The following ZMYND8 variants were observed in gnomAD, a reference collection of about 807,000 sequenced individuals.
ZMYND8 encodes zinc finger MYND-type containing 8, also known as MYND-type zinc finger-containing chromatin reader ZMYND8.
A neutral mutation model predicts 140.8 loss-of-function variants in ZMYND8; 37 were observed. That is an observed-to-expected ratio of 0.26 (90% CI 0.20 to 0.35). The LOEUF (loss-of-function observed/expected upper bound fraction) is 0.35. ZMYND8 is among the 10% of genes least tolerant of loss of function. ZMYND8 has a pLI of 1.00. For synonymous variants in ZMYND8, 592 were observed against 597.1 expected, an observed-to-expected ratio of 0.99 and a Z score of 0.12; for missense variants, 1,068 against 1,570.0, an observed-to-expected ratio of 0.68 and a Z score of 5.40.
intron 2 of ZMYND8, 130 bp downstream of exon 2, chr20:47,347,726 A>G (rs796281891): frequency 5.5e-5 from 49 of 887,276 alleles, no homozygotes; most frequent in Non-Finnish European, 8.2e-5. Context: ...AAAAAATCTT[A>G]TATCTGAAAA....
At chr20:47,239,389 CAA>C (rs545772566) in intron 14 of ZMYND8, among the ~76,000 whole-genome samples, 96 of 152,346 alleles carry the variant, frequency 6.3e-4, no homozygotes, top group African/African-American at 2.2e-3. Flanking sequence ...AGATACAAGT[CAA>C]GACCTCTAGG....
chr20:47,316,840 T>C (rs2079441276), intron 2 of ZMYND8, among the ~76,000 whole-genome samples: 1 of 151,686 alleles, frequency 6.6e-6, no homozygotes, highest in South Asian at 2.1e-4. Context: ...TTTTATTATA[T>C]GTGATATTCT....
intron 2 of ZMYND8, among the ~76,000 whole-genome samples, chr20:47,313,735 C>A (rs906321827): frequency 1.3e-5 from 2 of 151,866 alleles, no homozygotes; most frequent in Non-Finnish European, 2.9e-5. Flanking sequence ...AGTTCGAGAC[C>A]AGACTGGCCA....
chr20:47,307,625 C>T (rs1442448529), intron 3 of ZMYND8, among the ~76,000 whole-genome samples: 2 of 151,596 alleles, frequency 1.3e-5, no homozygotes, highest in Non-Finnish European at 2.9e-5. Flanking sequence ...GTCAGGAGTT[C>T]AAGACCAGCC....
Position 47,222,173 on chromosome 20 carries a change from G to A in ZMYND8, c.3257-699C>T, listed in dbSNP as rs578119548. Among the ~76,000 whole-genome samples, 19 of 152,330 alleles carry A rather than the reference G, an allele frequency of 1.2e-4. No homozygotes were observed. In the South Asian group the frequency reaches 2.9e-3, roughly 23 times the overall value. ...TTCTAAGGTGGGACAGGAAAACCACGTGAAAGGCGACATGCTATCAGAGGC... is the reference window on the plus strand; with the variant it reads ...TTCTAAGGTGGGACAGGAAAACCACATGAAAGGCGACATGCTATCAGAGGC... On this transcript the variant is annotated intron_variant, in intron 19 of 22. Transcript: ENST00000471951.
intron 15 of ZMYND8, among the ~76,000 whole-genome samples, chr20:47,236,848 C>T (rs1242569265): frequency 2.6e-5 from 4 of 152,158 alleles, no homozygotes; most frequent in Non-Finnish European, 5.9e-5. Flanking sequence ...AAGACAGGAC[C>T]TCAGCATCCC....
intron 12 of ZMYND8, among the ~76,000 whole-genome samples, chr20:47,255,434 C>T (rs1011265971): frequency 6.6e-6 from 1 of 150,878 alleles, no homozygotes; most frequent in African/African-American, 2.4e-5. Context: ...CAGGGCCGGG[C>T]GTGGTAGCTC....
Position 47,224,515 on chromosome 20 carries a change from G to A in ZMYND8, c.3058C>T (p.Arg1020Trp). Residue 1020 changes from arginine (R) to tryptophan (W), a missense_variant, in exon 19 of 23, where the codon CGG becomes TGG. Coordinates refer to ENST00000471951, the MANE Select transcript of ZMYND8 (RefSeq NM_001281775.3). The part of the protein sequence containing the change: ...AEMRQSLEQE[R>W]DRLIAEVKKQ... ...TTCACCTCGGCGATGAGCCGGTCCC[G>A]CTCCTGCTCCAGGCTCTGCCGCATC... 1 of 1,613,958 alleles carries A rather than the reference G, an allele frequency of 6.2e-7. No homozygotes were observed. Among genetic ancestry groups the A allele is most frequent in the Non-Finnish European group, 8.5e-7 (1 of 1,180,032 alleles).
Position 47,246,261 on chromosome 20 carries a change from C to T in ZMYND8, c.2031G>A (p.Lys677=). The change falls in exon 14 of 23, where the codon AAG becomes AAA. Residue 677 remains lysine (K), a synonymous_variant. Transcript: ENST00000471951. ...ELKSTSPASE[K]ADPGAVKDKA... Reference sequence around the variant, plus strand: ...TGTCCTTGACTGCTCCAGGGTCTGCCTTCTCGCTGGCTGGTGACGTGCTTT... The same window carrying T: ...TGTCCTTGACTGCTCCAGGGTCTGCTTTCTCGCTGGCTGGTGACGTGCTTT... 6.2e-7 allele frequency: 1 copy of T among 1,614,190 alleles called. No homozygotes were observed. The highest frequency in any genetic ancestry group is 8.5e-7 in the Non-Finnish European group (1 of 1,180,030).
At chr20:47,310,885 G>A (rs1232567177) in intron 2 of ZMYND8, among the ~76,000 whole-genome samples, 1 of 151,442 alleles carries the variant, frequency 6.6e-6, no homozygotes, top group Non-Finnish European at 1.5e-5. Context: ...GGAAACATGT[G>A]CAATCGCCAC....
intron 15 of ZMYND8, among the ~76,000 whole-genome samples, chr20:47,236,929 T>C (rs576813084): frequency 6.6e-6 from 1 of 152,304 alleles, no homozygotes; most frequent in South Asian, 2.1e-4. Context: ...TTAACTTCCC[T>C]GACTCTACTG....
intron 15 of ZMYND8, 195 bp downstream of exon 15, chr20:47,238,563 T>A (rs1400628952): frequency 9.2e-7 from 1 of 1,083,284 alleles, no homozygotes; most frequent in Non-Finnish European, 1.3e-6. Flanking sequence ...AAAAAAAACT[T>A]TTTGAAAGTA....
intron 3 of ZMYND8, among the ~76,000 whole-genome samples, chr20:47,304,262 G>A (rs796665331): frequency 7.9e-5 from 12 of 152,296 alleles, no homozygotes; most frequent in African/African-American, 2.9e-4. Flanking sequence ...AAAAGGCCCT[G>A]TCTATTTGCT....
chr20:47,342,830 G>C (rs554135451), intron 2 of ZMYND8, among the ~76,000 whole-genome samples: 2 of 137,452 alleles, frequency 1.5e-5, no homozygotes, highest in Non-Finnish European at 3.0e-5. Flanking sequence ...CTCGGCAACA[G>C]AGCAAGACTA....
intron 21 of ZMYND8, among the ~76,000 whole-genome samples, chr20:47,214,467 A>G (rs2035772432): frequency 6.6e-6 from 1 of 152,168 alleles, no homozygotes; most frequent in African/African-American, 2.4e-5. Flanking sequence ...GACTCTGCCC[A>G]GCCTCTTTCC....
chr20:47,226,151 TAA>T (rs3092455), intron 18 of ZMYND8, among the ~76,000 whole-genome samples: 38 of 132,122 alleles, frequency 2.9e-4, no homozygotes, highest in Admixed American at 3.1e-4. Flanking sequence ...GACTCTGTCT[TAA>T]AAAAAAAAAA....
chr20:47,220,103 C>G (rs373430829), intron 21 of ZMYND8, among the ~76,000 whole-genome samples, 155 bp downstream of exon 21: 2 of 151,422 alleles, frequency 1.3e-5, no homozygotes, highest in African/African-American at 2.4e-5. Context: ...TCAGCTACCC[C>G]CTCACCCCCA....
chr20:47,306,817 T>C (rs111617288), intron 3 of ZMYND8, among the ~76,000 whole-genome samples: 4 of 152,186 alleles, frequency 2.6e-5, no homozygotes, highest in African/African-American at 7.2e-5. Context: ...AAGACGACAG[T>C]GGAGAATCTT....
intron 14 of ZMYND8, 132 bp from the exon 15 acceptor site, chr20:47,239,270 G>A: frequency 8.2e-7 from 1 of 1,215,756 alleles, no homozygotes; most frequent in Non-Finnish European, 1.1e-6. Flanking sequence ...GACGTGCCAA[G>A]CACACCGCGC....
Sources: allele counts gnomAD v4.1 joint callset (sites outside exome capture counted in the v4.1 genomes callset), GRCh38; gene constraint gnomAD v4.1.1; transcripts MANE v1.5; gene names NCBI Gene and HGNC (gene_info 2026-07-23, HGNC 2026-07-21).